Variants in EYA1 observed in about 807,000 individuals in gnomAD.
The protein encoded by EYA1 is protein phosphatase EYA1.
EYA1 carries 16 observed loss-of-function variants against 82.0 expected under a neutral mutation model. The observed-to-expected ratio is 0.20, with a 90% confidence interval of 0.13 to 0.30. The LOEUF (loss-of-function observed/expected upper bound fraction) is 0.30. EYA1 is among the 10% of genes least tolerant of loss of function. EYA1 has a pLI of 1.00. For synonymous variants in EYA1, 261 were observed against 264.4 expected (o/e 0.99, Z 0.12); for missense variants, 633 against 730.7 (o/e 0.87, Z 1.54).
intron 4 of EYA1, among the ~76,000 whole-genome samples, chr8:71,333,333 T>A (rs1824108205): frequency 6.6e-6 from 1 of 152,184 alleles, no homozygotes; most frequent in South Asian, 2.1e-4. Context: ...AGAGCTTGAG[T>A]AAATCAATCA....
At chr8:71,199,518 G>T in intron 17 of EYA1, 98 bp from the exon 18 acceptor site, 1 of 761,062 alleles carries the variant, frequency 1.3e-6, no homozygotes, top group Non-Finnish European at 2.3e-6. Context: ...CCCATTTTCA[G>T]TATCATTGAA....
chr8:71,274,172 A>G (rs901273450), intron 9 of EYA1, among the ~76,000 whole-genome samples: 3 of 152,206 alleles, frequency 2.0e-5, no homozygotes, highest in Non-Finnish European at 4.4e-5. Flanking sequence ...AAGGGAAAAA[A>G]ACCCCTAAAA....
chr8:71,324,593 G>T (rs779738138), intron 4 of EYA1, among the ~76,000 whole-genome samples: 6 of 152,036 alleles, frequency 3.9e-5, no homozygotes, highest in Non-Finnish European at 7.4e-5. Flanking sequence ...ATCACCATCT[G>T]TCCCACAAAA....
chr8:71,235,101 T>C (rs1811670307), intron 12 of EYA1, among the ~76,000 whole-genome samples: 4 of 152,196 alleles, frequency 2.6e-5, no homozygotes, highest in Admixed American at 2.0e-4. Context: ...CAGACTGCTA[T>C]ATCCTCAGCC....
At chr8:71,326,218 G>T (rs1255662831) in intron 4 of EYA1, among the ~76,000 whole-genome samples, 1 of 152,104 alleles carries the variant, frequency 6.6e-6, no homozygotes, top group African/African-American at 2.4e-5. Context: ...AAGAGCAAAA[G>T]AACTCTCGAA....
intron 2 of EYA1, among the ~76,000 whole-genome samples, chr8:71,433,988 G>A (rs574140099): frequency 6.6e-6 from 1 of 152,194 alleles, no homozygotes; most frequent in Non-Finnish European, 1.5e-5. Flanking sequence ...CACCAGAGTT[G>A]CAGCGGTGGA....
At chr8:71,514,780 T>C (rs944417621) in intron 2 of EYA1, among the ~76,000 whole-genome samples, 1 of 152,150 alleles carries the variant, frequency 6.6e-6, no homozygotes, top group Non-Finnish European at 1.5e-5. Flanking sequence ...GCGATTTGGG[T>C]GGGTACACGG....
intron 9 of EYA1, among the ~76,000 whole-genome samples, chr8:71,274,970 G>T (rs1338015073): frequency 6.6e-6 from 1 of 152,276 alleles, no homozygotes; most frequent in African/African-American, 2.4e-5. Flanking sequence ...GCGCAAGCGC[G>T]TGCGAGAGCG....
chr8:71,435,590 A>T (rs938725144), intron 2 of EYA1, among the ~76,000 whole-genome samples: 3 of 152,098 alleles, frequency 2.0e-5, no homozygotes, highest in Non-Finnish European at 2.9e-5. Flanking sequence ...AAGGCTGTTT[A>T]TAGACTTTTT....
rs1824182596 is a variant in EYA1, at chr8:71,333,962, T to A, written c.202+135A>T. On this transcript the variant is annotated intron_variant, in intron 4 of 17. Transcript: ENST00000340726. The stretch of plus-strand genomic sequence containing the variant: ...ACTCTGAGCAAAGCTATTTTATATG[T>A]ATATATACATAAGTACGTATATACC... 13 of 685,044 alleles carry A rather than the reference T, an allele frequency of 1.9e-5. No homozygotes were observed. In the Admixed American group the frequency reaches 3.0e-4, roughly 16 times the overall value. 42.4% of individuals were successfully genotyped at this position (685,044 alleles called of 1,614,324 possible). A position where few individuals can be genotyped will look rare whatever the true frequency, so the allele number is the denominator to read the frequency against.
At chr8:71,204,716 G>A (rs934035997) in intron 17 of EYA1, among the ~76,000 whole-genome samples, 7 of 152,186 alleles carry the variant, frequency 4.6e-5, no homozygotes, top group South Asian at 4.1e-4. Context: ...ACTTATTTGT[G>A]CTTTCATGTG....
intron 9 of EYA1, among the ~76,000 whole-genome samples, chr8:71,274,608 G>A (rs1303527112): frequency 6.6e-6 from 1 of 152,200 alleles, no homozygotes; most frequent in Admixed American, 6.5e-5. Context: ...GTAGCAAACA[G>A]ACATGGTTCC....
At chr8:71,430,745 A>G (rs997763300) in intron 2 of EYA1, among the ~76,000 whole-genome samples, 6 of 152,194 alleles carry the variant, frequency 3.9e-5, no homozygotes, top group Admixed American at 3.3e-4. Flanking sequence ...GTAGCCAGAA[A>G]TGAAGAAGCC....
chr8:71,535,796 A>G (rs1419865052), exon 2 of EYA1: 12 of 1,499,620 alleles, frequency 8.0e-6, no homozygotes, highest in Middle Eastern at 1.7e-4. Flanking sequence ...CTTCTGAATT[A>G]TGTATGGGCT....
intron 9 of EYA1, among the ~76,000 whole-genome samples, chr8:71,290,531 G>C (rs956887462): frequency 6.6e-6 from 1 of 152,002 alleles, no homozygotes; most frequent in African/African-American, 2.4e-5. Flanking sequence ...ATATAAGAAA[G>C]AATTACATAT....
In EYA1 at chr8:71,513,891, C is replaced by T. The variant is rs368769326; in HGVS notation, c.33+21853G>A. 3.5e-4 allele frequency among the ~76,000 whole-genome samples: 54 copies of T among 152,220 alleles called. No homozygotes were observed. In the South Asian group the frequency reaches 0.011, roughly 31 times the overall value. ...CTTTTTTCACTTAACATAATGATCT[C>T]CAGTTCCACCCATGGAACTGCAGGC... On this transcript the variant is annotated intron_variant, in intron 2 of 18. Coordinates refer to the EYA1 transcript ENST00000643681.
intron 7 of EYA1, among the ~76,000 whole-genome samples, chr8:71,311,667 T>C (rs961230110): frequency 6.6e-6 from 1 of 152,236 alleles, no homozygotes; most frequent in African/African-American, 2.4e-5. Context: ...CCTCCTCAGG[T>C]TGAACTCTAC....
intron 12 of EYA1, among the ~76,000 whole-genome samples, chr8:71,240,378 C>T (rs1169937085): frequency 1.3e-5 from 2 of 151,914 alleles, no homozygotes; most frequent in African/African-American, 4.8e-5. Flanking sequence ...AAGGAATATT[C>T]ATGTTGTAAA....
chr8:71,511,083 T>G (rs1366708932), intron 2 of EYA1, among the ~76,000 whole-genome samples: 1 of 152,056 alleles, frequency 6.6e-6, no homozygotes, highest in Non-Finnish European at 1.5e-5. Flanking sequence ...AAGAGTCTCC[T>G]AAAAAGCCTT....
Sources: gnomAD v4.1 joint callset for allele counts (sites outside exome capture counted in the v4.1 genomes callset) on GRCh38, gnomAD v4.1.1 for gene constraint, MANE v1.5 for transcripts, NCBI Gene and HGNC (gene_info 2026-07-23, HGNC 2026-07-21) for gene names.